PCDH15: variants seen among roughly 807,000 people sequenced by gnomAD.
PCDH15 encodes the protein protocadherin-15.
Under a neutral mutation model 178.5 loss-of-function variants are expected in PCDH15, and 129 were observed. The ratio of observed to expected loss-of-function variants is 0.72; its 90% CI spans 0.63 to 0.84. The LOEUF is 0.84. PCDH15 is among the 40% of genes least tolerant of loss of function. The pLI is 0.00. For missense variants in PCDH15, 2,230 were observed against 2,099.9 expected, an observed-to-expected ratio of 1.06 and a Z score of -1.21; for synonymous variants, 800 against 732.0, an observed-to-expected ratio of 1.09 and a Z score of -1.50.
chr10:54,166,438 C>A (rs1379273751), intron 13 of PCDH15, among the ~76,000 whole-genome samples: 2 of 152,106 alleles, frequency 1.3e-5, no homozygotes, highest in Non-Finnish European at 2.9e-5. Flanking sequence ...AAATTATAAT[C>A]TAGCCAAGAA....
At chr10:54,167,149 C>T (rs1045026925) in intron 13 of PCDH15, among the ~76,000 whole-genome samples, 7 of 152,150 alleles carry the variant, frequency 4.6e-5, no homozygotes, top group Non-Finnish European at 7.3e-5. Flanking sequence ...TGACTCGGAT[C>T]GGGGGACCTC....
intron 14 of PCDH15, among the ~76,000 whole-genome samples, chr10:54,140,163 A>G (rs190723359): frequency 5.3e-5 from 8 of 152,150 alleles, no homozygotes; most frequent in Non-Finnish European, 1.2e-4. Flanking sequence ...AATGTAAAAT[A>G]TAAATTATTG....
chr10:54,510,381 A>C (rs933305774), intron 3 of PCDH15, among the ~76,000 whole-genome samples: 1 of 152,192 alleles, frequency 6.6e-6, no homozygotes, highest in African/African-American at 2.4e-5. Context: ...GGTGACAGGG[A>C]GGACTGAAGA....
intron 2 of PCDH15, among the ~76,000 whole-genome samples, chr10:54,935,243 A>C (rs2131857212): frequency 6.6e-6 from 1 of 152,214 alleles, no homozygotes; most frequent in Admixed American, 6.6e-5. Flanking sequence ...TAATAATATA[A>C]AAAATCATTT....
chr10:53,848,363 T>C (rs78700822), intron 28 of PCDH15, among the ~76,000 whole-genome samples: 5,904 of 152,088 alleles, frequency 0.039, 363 homozygotes, highest in African/African-American at 0.13. Flanking sequence ...TAAAATAATA[T>C]ATAATGATGT....
intron 2 of PCDH15, among the ~76,000 whole-genome samples, chr10:54,655,296 G>GAGAGAGAGAGAGAGAGAGAC (rs1565866388): frequency 1.7e-5 from 2 of 120,212 alleles, no homozygotes; most frequent in Admixed American, 8.0e-5. Context: ...GAGAGAGAGA[G>GAGAGAGAGAGAGAGAGAGAC]AGAGAGACAG....
chr10:55,423,695 G>A (rs1340550837), intron 2 of PCDH15, among the ~76,000 whole-genome samples: 1 of 152,014 alleles, frequency 6.6e-6, no homozygotes, highest in African/African-American at 2.4e-5. Flanking sequence ...GAAATTTTCT[G>A]ATCTGTGAAA....
chr10:54,223,446 T>G (rs2053087143), intron 9 of PCDH15, among the ~76,000 whole-genome samples: 1 of 131,760 alleles, frequency 7.6e-6, no homozygotes. Flanking sequence ...CTATAGATAG[T>G]GTGAGGTACG....
At chr10:54,182,186 C>T (rs1320630494) in intron 13 of PCDH15, among the ~76,000 whole-genome samples, 12 of 152,158 alleles carry the variant, frequency 7.9e-5, no homozygotes, top group African/African-American at 2.9e-4. Context: ...AGGCTGGTCT[C>T]GAGCTCCTTA....
At chr10:55,088,833 T>A (rs1842244633) in intron 2 of PCDH15, among the ~76,000 whole-genome samples, 1 of 152,128 alleles carries the variant, frequency 6.6e-6, no homozygotes, top group Admixed American at 6.6e-5. Context: ...ATATTTCTAG[T>A]TTTCCAAAGA....
Position 54,079,179 on chromosome 10 carries a change from AT to A in PCDH15, c.2091+151del, listed in dbSNP as rs775529585. Reference sequence around the variant, plus strand: ...ATTCAGAGTATAGGTGCATGTATTAATAGCCTGTTGAAGAAAAGAGCAACAC... The same window carrying A: ...ATTCAGAGTATAGGTGCATGTATTAAAGCCTGTTGAAGAAAAGAGCAACAC... On this transcript the variant is annotated intron_variant, in intron 17 of 37. Transcript: ENST00000644397. 38 of 793,840 alleles carry A rather than the reference AT, an allele frequency of 4.8e-5. 1 individual carries two copies. Among genetic ancestry groups the A allele is most frequent in the Middle Eastern group, 4.6e-4 (2 of 4,332 alleles). 49.2% of individuals were successfully genotyped at this position (793,840 alleles called of 1,614,324 possible).
intron 2 of PCDH15, among the ~76,000 whole-genome samples, chr10:54,982,146 AC>A (rs1288445919): frequency 5.3e-5 from 8 of 152,048 alleles, no homozygotes; most frequent in Non-Finnish European, 1.0e-4. Flanking sequence ...TTATAAATAA[AC>A]AGCAATTATG....
intron 3 of PCDH15, among the ~76,000 whole-genome samples, chr10:54,814,415 A>T (rs183670827): frequency 2.1e-3 from 317 of 152,298 alleles, no homozygotes; most frequent in East Asian, 7.3e-3. Context: ...AAAAATTAAT[A>T]AAAAAGTATG....
chr10:55,442,459 A>ATATAT (rs1839211143), intron 2 of PCDH15, among the ~76,000 whole-genome samples: 1 of 71,482 alleles, frequency 1.4e-5, no homozygotes, highest in African/African-American at 6.0e-5. Flanking sequence ...ATTTGATTAT[A>ATATAT]TATATATATA....
chr10:55,504,166 C>A (rs921383218), intron 2 of PCDH15, among the ~76,000 whole-genome samples: 1 of 150,638 alleles, frequency 6.6e-6, no homozygotes, highest in Non-Finnish European at 1.5e-5. Context: ...CTATGCATTC[C>A]GGATGCTAAT....
At chr10:54,911,133 T>C (rs1465551016) in intron 2 of PCDH15, among the ~76,000 whole-genome samples, 1 of 152,240 alleles carries the variant, frequency 6.6e-6, no homozygotes, top group African/African-American at 2.4e-5. Context: ...TTAGTTTTTC[T>C]GGCAGCCATA....
intron 2 of PCDH15, among the ~76,000 whole-genome samples, chr10:54,627,714 A>C (rs559567894): frequency 6.6e-6 from 1 of 152,348 alleles, no homozygotes; most frequent in Admixed American, 6.5e-5. Flanking sequence ...TTTGTCAGGT[A>C]GACATTTAAG....
In PCDH15 at chr10:53,806,393, G is replaced by A. The variant is rs1410262331; in HGVS notation, c.*186C>T. On this transcript the variant is annotated 3_prime_UTR_variant, in exon 38 of 38. Transcript: ENST00000644397. ...AAGTATGTCCAAAAGGATTTTCTGGGAAAAACGATTAATTGATAACAATGT... is the reference window on the plus strand; with the variant it reads ...AAGTATGTCCAAAAGGATTTTCTGGAAAAAACGATTAATTGATAACAATGT... 1.8e-5 allele frequency: 10 copies of A among 549,396 alleles called. No homozygotes were observed. The highest frequency in any genetic ancestry group is 2.8e-5 in the Non-Finnish European group (9 of 321,300). 34.0% of individuals were successfully genotyped at this position (549,396 alleles called of 1,614,324 possible). A position where few individuals can be genotyped will look rare whatever the true frequency, so the allele number is the denominator to read the frequency against.
intron 19 of PCDH15, among the ~76,000 whole-genome samples, chr10:54,022,547 C>A (rs990649349): frequency 1.3e-5 from 2 of 151,980 alleles, no homozygotes; most frequent in Non-Finnish European, 2.9e-5. Context: ...TCTGGAGGCA[C>A]AATGTGGGAG....
Sources: allele counts gnomAD v4.1 joint callset (sites outside exome capture counted in the v4.1 genomes callset), GRCh38; gene constraint gnomAD v4.1.1; transcripts MANE v1.5; gene names NCBI Gene and HGNC (gene_info 2026-07-23, HGNC 2026-07-21).